The following LHFPL3 variants were observed in gnomAD, a reference collection of about 807,000 sequenced individuals.
LHFPL3 encodes the protein LHFPL tetraspan subfamily member 3.
In LHFPL3, 5 loss-of-function variants were observed where a neutral mutation model predicts 19.3. That is an observed-to-expected ratio of 0.26 (90% confidence interval 0.14 to 0.54). The LOEUF is 0.54. LHFPL3 is among the 20% of genes least tolerant of loss of function. LHFPL3 has a pLI of 0.94. For synonymous variants in LHFPL3, 133 were observed against 126.2 expected (o/e 1.05, Z -0.36); for missense variants, 249 against 307.4 (o/e 0.81, Z 1.42).
intron 1 of LHFPL3, among the ~76,000 whole-genome samples, chr7:104,509,939 T>C (rs1488001141): frequency 2.0e-5 from 3 of 152,104 alleles, no homozygotes; most frequent in African/African-American, 7.2e-5. Context: ...ATTTTACATA[T>C]TAACAATCAA....
chr7:104,787,909 C>G (rs1309641925), intron 2 of LHFPL3, among the ~76,000 whole-genome samples: 1 of 152,160 alleles, frequency 6.6e-6, no homozygotes, highest in Non-Finnish European at 1.5e-5. Context: ...CCAAGGCCCA[C>G]CCCCTAATAC....
At chr7:104,562,732 C>T (rs1314157162) in intron 1 of LHFPL3, among the ~76,000 whole-genome samples, 5 of 152,122 alleles carry the variant, frequency 3.3e-5, no homozygotes, top group East Asian at 3.9e-4. Context: ...TGAGGAACTG[C>T]GTTCCTTTGG....
chr7:104,644,622 G>A (rs570589897), intron 1 of LHFPL3, among the ~76,000 whole-genome samples: 2 of 152,154 alleles, frequency 1.3e-5, no homozygotes, highest in Non-Finnish European at 2.9e-5. Flanking sequence ...AGGACTCGTT[G>A]ATATTCAGCA....
chr7:104,345,957 C>CTT (rs1433564836), intron 1 of LHFPL3, among the ~76,000 whole-genome samples: 1 of 151,868 alleles, frequency 6.6e-6, no homozygotes, highest in African/African-American at 2.4e-5. Context: ...GTTGCTTTGT[C>CTT]TTTTTTCTTA....
At chr7:104,898,427 A>T (rs906854380) in intron 2 of LHFPL3, among the ~76,000 whole-genome samples, 23 of 152,274 alleles carry the variant, frequency 1.5e-4, no homozygotes, top group African/African-American at 5.3e-4. Flanking sequence ...AGTGCATCCT[A>T]AATTCACCTG....
At chr7:104,412,438 G>C (rs187035045) in intron 1 of LHFPL3, among the ~76,000 whole-genome samples, 1 of 152,176 alleles carries the variant, frequency 6.6e-6, no homozygotes, top group East Asian at 1.9e-4. Context: ...ATGAAAGCTA[G>C]AATTGTTCAT....
intron 1 of LHFPL3, among the ~76,000 whole-genome samples, chr7:104,347,748 C>T (rs556498516): frequency 3.3e-5 from 5 of 152,068 alleles, no homozygotes; most frequent in East Asian, 3.9e-4. Context: ...AAAAATTAGT[C>T]GGGCGTGGTG....
Position 104,633,499 on chromosome 7 carries a change from AG to A in LHFPL3, c.446-103175del, listed in dbSNP as rs560027701. On this transcript the variant is annotated intron_variant, in intron 1 of 2. Transcript: ENST00000424859. ...GATTCCGCAGTTTCTCATCCCCATC[AG>A]TTTAGCTGAATGTTACAGCCATAAT... is the stretch of plus-strand genomic sequence containing the variant. Among the ~76,000 whole-genome samples, 145 of 152,238 alleles carry A rather than the reference AG, an allele frequency of 9.5e-4. 1 individual carries two copies. Among genetic ancestry groups the A allele is most frequent in the African/African-American group, 3.3e-3 (139 of 41,552 alleles).
At chr7:104,831,681 A>G (rs574860049) in intron 2 of LHFPL3, among the ~76,000 whole-genome samples, 1 of 151,978 alleles carries the variant, frequency 6.6e-6, no homozygotes, top group South Asian at 2.1e-4. Flanking sequence ...GAAAAATAAA[A>G]ATGCAGTGGG....
chr7:104,570,973 C>T (rs1180079811), intron 1 of LHFPL3, among the ~76,000 whole-genome samples: 1 of 152,174 alleles, frequency 6.6e-6, no homozygotes, highest in Non-Finnish European at 1.5e-5. Flanking sequence ...AAGACTCAGA[C>T]ATTTTCCTAT....
chr7:104,352,468 T>C (rs551604752), intron 1 of LHFPL3, among the ~76,000 whole-genome samples: 4 of 152,330 alleles, frequency 2.6e-5, no homozygotes, highest in African/African-American at 4.8e-5. Context: ...AGGTCTTTAA[T>C]AGATGCCTCA....
At position 104,477,918 on chromosome 7, in the gene LHFPL3, C is replaced by T. The variant is rs1007657566; in HGVS notation, c.445+148694C>T. 4.6e-5 allele frequency among the ~76,000 whole-genome samples: 7 copies of T among 152,110 alleles called. No individual in the cohort carries two copies. The South Asian group carries it at 8.3e-4, about 18-fold the overall frequency. ...GGGAGGGGGAAAGGCTATCCAGACA[C>T]GTGAACAGTATTTACAAAAAGCACT... On this transcript the variant is annotated intron_variant, in intron 1 of 2. Transcript: ENST00000424859.
At chr7:104,884,592 CT>C (rs1480731009) in intron 2 of LHFPL3, among the ~76,000 whole-genome samples, 1 of 152,166 alleles carries the variant, frequency 6.6e-6, no homozygotes, top group Non-Finnish European at 1.5e-5. Context: ...ATAGTGCAGC[CT>C]GATCTCAACC....
At chr7:104,546,694 A>T (rs1485797885) in intron 1 of LHFPL3, among the ~76,000 whole-genome samples, 1 of 152,216 alleles carries the variant, frequency 6.6e-6, no homozygotes, top group African/African-American at 2.4e-5. Context: ...ACCACTTTCA[A>T]TTAATTCGGG....
chr7:104,369,699 T>C (rs371578988), intron 1 of LHFPL3, among the ~76,000 whole-genome samples: 13 of 152,220 alleles, frequency 8.5e-5, no homozygotes, highest in Non-Finnish European at 1.6e-4. Context: ...TGGTATTATC[T>C]GTTCTTTTGA....
At chr7:104,671,889 C>T (rs957299096) in intron 1 of LHFPL3, among the ~76,000 whole-genome samples, 1 of 152,152 alleles carries the variant, frequency 6.6e-6, no homozygotes, top group African/African-American at 2.4e-5. Flanking sequence ...ATTTCTCTTA[C>T]TCTGCTAATA....
At chr7:104,830,565 C>T (rs1025733832) in intron 2 of LHFPL3, among the ~76,000 whole-genome samples, 5 of 151,838 alleles carry the variant, frequency 3.3e-5, no homozygotes, top group Non-Finnish European at 7.4e-5. Flanking sequence ...AGCCAGTTTT[C>T]CCAGCACCAT....
chr7:104,545,132 C>T (rs1357807173), intron 1 of LHFPL3, among the ~76,000 whole-genome samples: 2 of 152,190 alleles, frequency 1.3e-5, no homozygotes, highest in Admixed American at 6.5e-5. Context: ...GGCCAACTGA[C>T]TAACAAGAAA....
intron 1 of LHFPL3, among the ~76,000 whole-genome samples, chr7:104,430,405 C>CACGTATAT (rs1791953828): frequency 3.6e-4 from 8 of 22,452 alleles, no homozygotes; most frequent in Non-Finnish European, 3.8e-4. Flanking sequence ...TATATATATA[C>CACGTATAT]ATATATATAT....
Sources: allele counts gnomAD v4.1 joint callset (sites outside exome capture counted in the v4.1 genomes callset), GRCh38; gene constraint gnomAD v4.1.1; transcripts MANE v1.5; gene names NCBI Gene and HGNC (gene_info 2026-07-23, HGNC 2026-07-21).